DPY19L3: variants seen among roughly 807,000 people sequenced by gnomAD.
DPY19L3 encodes dpy-19 like C-mannosyltransferase 3.
A neutral mutation model predicts 92.3 loss-of-function variants in DPY19L3; 51 were observed. That is an observed-to-expected ratio of 0.55 (90% CI 0.44 to 0.70). The LOEUF (loss-of-function observed/expected upper bound fraction) is 0.70, where lower values mean the gene tolerates loss of function less well. Ranked by LOEUF, DPY19L3 falls within the 30% of genes least tolerant of loss-of-function variation. The pLI, the probability that DPY19L3 is intolerant of heterozygous loss-of-function variation, is 0.00. For missense variants in DPY19L3, 706 were observed against 855.9 expected, an observed-to-expected ratio of 0.82 and a Z score of 2.18; for synonymous variants, 309 against 315.2, an observed-to-expected ratio of 0.98 and a Z score of 0.21.
chr19:32,446,427 A>G (rs1317348211), intron 8 of DPY19L3, among the ~76,000 whole-genome samples: 1 of 152,194 alleles, frequency 6.6e-6, no homozygotes, highest in Non-Finnish European at 1.5e-5. Flanking sequence ...CTAATTAAAG[A>G]GATGGCAGGG....
chr19:32,479,527 C>G, intron 17 of DPY19L3: 1 of 381,728 alleles, frequency 2.6e-6, no homozygotes, highest in Non-Finnish European at 5.2e-6. Context: ...ACAGTTGTCA[C>G]AGTAACAGCA....
chr19:32,480,584 G>T (rs1331349059), intron 18 of DPY19L3, 27 bp downstream of exon 18: 2 of 1,602,006 alleles, frequency 1.2e-6, no homozygotes, highest in East Asian at 2.2e-5. Flanking sequence ...TCCCTGTGTG[G>T]GGGTCTCCTG....
At chr19:32,409,951 C>T (rs140454714) in intron 2 of DPY19L3, among the ~76,000 whole-genome samples, 1 of 152,260 alleles carries the variant, frequency 6.6e-6, no homozygotes, top group Non-Finnish European at 1.5e-5. Context: ...AGGGTACATG[C>T]CTAGATTGGG....
At chr19:32,481,008 G>C (rs917641761) in intron 18 of DPY19L3, 3 of 381,606 alleles carry the variant, frequency 7.9e-6, no homozygotes, top group African/African-American at 4.1e-5. Flanking sequence ...CTCTCCTACT[G>C]AGTGTCCTGT....
intron 3 of DPY19L3, among the ~76,000 whole-genome samples, chr19:32,417,365 A>G (rs1021089021): frequency 3.3e-5 from 5 of 152,064 alleles, no homozygotes; most frequent in African/African-American, 1.2e-4. Context: ...TGTCGTCCAG[A>G]CTGGAGTGCA....
intron 17 of DPY19L3, among the ~76,000 whole-genome samples, chr19:32,477,948 C>T (rs1280466214): frequency 1.3e-5 from 2 of 152,118 alleles, no homozygotes; most frequent in African/African-American, 2.4e-5. Flanking sequence ...AAAAAGAGAG[C>T]TTGTGCAGGG....
At position 32,485,438 on chromosome 19, in the gene DPY19L3, G is replaced by C. The variant is rs1256781451; in HGVS notation, c.*3198G>C. ...TTCTGTGGGTGTGTGGTTTTGGTTG[G>C]GTGCTGCCAGGTGGCAAAGGCATAT... is the stretch of plus-strand genomic sequence containing the variant. On this transcript the variant is annotated 3_prime_UTR_variant, in exon 19 of 19. Transcript: ENST00000392250. 1 of 151,922 alleles carries C rather than the reference G, an allele frequency of 6.6e-6. No individual in the cohort carries two copies. Among genetic ancestry groups the C allele is most frequent in the Non-Finnish European group, 1.5e-5 (1 of 68,006 alleles). The allele number at this position is 151,922 out of a possible 1,614,324, so 9.4% of individuals were successfully genotyped here.
intron 8 of DPY19L3, among the ~76,000 whole-genome samples, chr19:32,446,612 G>A (rs1424897893): frequency 6.6e-6 from 1 of 152,108 alleles, no homozygotes; most frequent in Non-Finnish European, 1.5e-5. Context: ...AAAATTACTA[G>A]GGACAGAACA....
intron 3 of DPY19L3, among the ~76,000 whole-genome samples, chr19:32,424,071 T>C (rs1166458674): frequency 2.6e-5 from 4 of 151,618 alleles, no homozygotes; most frequent in African/African-American, 9.7e-5. Context: ...GTCTCAGCAC[T>C]CTGGAGGGCA....
Position 32,439,215 on chromosome 19 carries a change from A to G in DPY19L3, c.700A>G (p.Asn234Asp). 3 of 1,613,418 alleles carry G rather than the reference A, an allele frequency of 1.9e-6. No individual in the cohort carries two copies. Among genetic ancestry groups the G allele is most frequent in the East Asian group, 2.2e-5 (1 of 44,866 alleles). ...IAAITYFLRP[N>D]LQPLSERLTL... Reference sequence around the variant, plus strand: ...AGCAATTACATATTTCCTGAGACCAAACTTACAGCCTCTTTCTGAAGTAAG... The same window carrying G: ...AGCAATTACATATTTCCTGAGACCAGACTTACAGCCTCTTTCTGAAGTAAG... The change falls in exon 7 of 19, where the codon AAC (asparagine) becomes GAC (aspartate). Residue 234 changes from asparagine to aspartate, a missense_variant. Coordinates refer to ENST00000392250, the MANE Select transcript of DPY19L3 (RefSeq NM_001172774.2).
At chr19:32,427,910 G>A (rs1382021050) in intron 3 of DPY19L3, 1 of 151,428 alleles carries the variant, frequency 6.6e-6, no homozygotes, top group Non-Finnish European at 1.5e-5. Context: ...TAATTTTTCG[G>A]TGGCTTCCCC....
intron 3 of DPY19L3, among the ~76,000 whole-genome samples, chr19:32,427,691 G>A (rs565564574): frequency 2.0e-5 from 3 of 152,232 alleles, no homozygotes; most frequent in Admixed American, 1.3e-4. Flanking sequence ...CACATGCCAC[G>A]GCTTTAATCA....
intron 3 of DPY19L3, among the ~76,000 whole-genome samples, chr19:32,416,273 A>G (rs1968374309): frequency 6.6e-6 from 1 of 152,202 alleles, no homozygotes; most frequent in Non-Finnish European, 1.5e-5. Context: ...CTGTCAGTCC[A>G]AGCTGCTTGC....
At position 32,483,651 on chromosome 19, in the gene DPY19L3, G is replaced by C. The variant is rs1306734023; in HGVS notation, c.*1411G>C. On this transcript the variant is annotated 3_prime_UTR_variant, in exon 19 of 19. Transcript: ENST00000392250. Reference sequence around the variant, plus strand: ...CAGCATTCAAAAAGTCTTTTACACTGTCATGTTGGACACAAGCAGACTCAG... The same window carrying C: ...CAGCATTCAAAAAGTCTTTTACACTCTCATGTTGGACACAAGCAGACTCAG... 1.3e-5 allele frequency: 2 copies of C among 152,158 alleles called. No homozygotes were observed. Among genetic ancestry groups the C allele is most frequent in the Non-Finnish European group, 2.9e-5 (2 of 68,020 alleles). The allele number at this position is 152,158 out of a possible 1,614,324, so 9.4% of individuals were successfully genotyped here. A position where few individuals can be genotyped will look rare whatever the true frequency, so the allele number is the denominator to read the frequency against.
At chr19:32,469,375 C>T (rs1468702831) in intron 16 of DPY19L3, among the ~76,000 whole-genome samples, 4 of 151,846 alleles carry the variant, frequency 2.6e-5, no homozygotes, top group African/African-American at 9.7e-5. Context: ...GTGGCAGGTG[C>T]CTCCTAGCTA....
chr19:32,431,080 TATA>T (rs532030592), intron 3 of DPY19L3, among the ~76,000 whole-genome samples: 1 of 152,148 alleles, frequency 6.6e-6, no homozygotes, highest in Non-Finnish European at 1.5e-5. Context: ...GTGAATCTGC[TATA>T]ATATGAAAAA....
Position 32,411,225 on chromosome 19 carries a change from C to A in DPY19L3, c.104-14C>A. ...TACTGACTTAGTTATTTATCTGTTC[C>A]ATTTTTCCAAAAGGTTGTACCAGTA... On this transcript the variant is annotated splice_polypyrimidine_tract_variant and intron_variant, in intron 2 of 18. Transcript: ENST00000392250. 1 of 1,599,738 alleles carries A rather than the reference C, an allele frequency of 6.3e-7. No homozygotes were observed. The highest frequency in any genetic ancestry group is 1.1e-5 in the South Asian group (1 of 88,492).
chr19:32,463,776 T>C (rs1033589449), intron 13 of DPY19L3, 93 bp from the exon 14 acceptor site: 11 of 1,151,262 alleles, frequency 9.6e-6, no homozygotes, highest in Non-Finnish European at 1.4e-5. Flanking sequence ...GATTTTGCCG[T>C]CATAGACTGT....
intron 12 of DPY19L3, among the ~76,000 whole-genome samples, chr19:32,459,935 C>T (rs973349146): frequency 6.6e-6 from 1 of 152,144 alleles, no homozygotes; most frequent in South Asian, 2.1e-4. Flanking sequence ...GAATATCATA[C>T]AGTATACTTA....
Sources: gnomAD v4.1 joint callset for allele counts (sites outside exome capture counted in the v4.1 genomes callset) on GRCh38, gnomAD v4.1.1 for gene constraint, MANE v1.5 for transcripts, NCBI Gene and HGNC (gene_info 2026-07-23, HGNC 2026-07-21) for gene names.